NTM: variants seen among roughly 807,000 people sequenced by gnomAD.
The protein encoded by NTM is neurotrimin.
In NTM, 13 loss-of-function variants were observed where a neutral mutation model predicts 42.1. That is an observed-to-expected ratio of 0.31 (90% CI 0.20 to 0.49). NTM has a LOEUF of 0.49. Ranked by LOEUF, NTM falls within the 20% of genes least tolerant of loss-of-function variation. NTM has a pLI of 0.99. For missense variants in NTM, 373 were observed against 452.8 expected (o/e 0.82, Z 1.60); for synonymous variants, 187 against 179.2 (o/e 1.04, Z -0.35).
rs1277456433 is a variant in NTM at position 131,528,404 on chromosome 11, G to A, written c.82+157516G>A. Among the ~76,000 whole-genome samples, 4 of 152,266 alleles carry A rather than the reference G, an allele frequency of 2.6e-5. No homozygotes were observed. In the East Asian group the frequency reaches 7.7e-4, roughly 29 times the overall value. The stretch of plus-strand genomic sequence containing the variant: ...TTTAGTTCCCTTAATGCTCACATCT[G>A]TTCTATGAGAGAGGTGTTCTTCTTA... On this transcript the variant is annotated intron_variant, in intron 1 of 8. Transcript: ENST00000683400.
At chr11:132,145,528 A>C (rs1189313789) in intron 2 of NTM, among the ~76,000 whole-genome samples, 1 of 152,224 alleles carries the variant, frequency 6.6e-6, no homozygotes, top group Non-Finnish European at 1.5e-5. Context: ...TGTAGAAAAG[A>C]GAAGGGAGAT....
At chr11:131,805,548 G>A (rs2136266735) in intron 1 of NTM, among the ~76,000 whole-genome samples, 1 of 152,242 alleles carries the variant, frequency 6.6e-6, no homozygotes, top group South Asian at 2.1e-4. Flanking sequence ...AAAAAAGTTT[G>A]CCCTACTCTA....
intron 4 of NTM, among the ~76,000 whole-genome samples, chr11:132,213,521 G>A (rs2083260319): frequency 6.6e-6 from 1 of 151,986 alleles, no homozygotes; most frequent in Non-Finnish European, 1.5e-5. Flanking sequence ...CCTTCTGTGA[G>A]GCATAAGTCC....
intron 4 of NTM, among the ~76,000 whole-genome samples, chr11:132,213,290 G>A (rs1328287556): frequency 6.6e-6 from 1 of 152,196 alleles, no homozygotes; most frequent in African/African-American, 2.4e-5. Flanking sequence ...TTAGAAGCTG[G>A]CTTGTGCAGT....
At chr11:132,112,609 A>G (rs2063356002) in intron 2 of NTM, among the ~76,000 whole-genome samples, 1 of 152,058 alleles carries the variant, frequency 6.6e-6, no homozygotes, top group African/African-American at 2.4e-5. Context: ...GCCTTCCACT[A>G]GAGAAGGCAT....
Position 131,440,816 on chromosome 11 carries a change from T to TAAA in NTM, c.82+69974_82+69976dup, listed in dbSNP as rs55915027. 3.5e-4 allele frequency among the ~76,000 whole-genome samples: 15 copies of TAAA among 42,904 alleles called. 3 individuals are homozygous for TAAA. Among genetic ancestry groups the TAAA allele is most frequent in the Non-Finnish European group, 3.8e-4 (10 of 26,372 alleles). 28.1% of individuals were successfully genotyped at this position (42,904 alleles called of 152,430 possible). A position where few individuals can be genotyped will look rare whatever the true frequency, so the allele number is the denominator to read the frequency against. ...GTGCCACCCCTCACCACAGCCTCCA[T>TAAA]AAAAAAAAAAAAAAAAAAAAAAAAA... On this transcript the variant is annotated intron_variant, in intron 1 of 8. Coordinates refer to ENST00000683400, the MANE Select transcript of NTM (RefSeq NM_001352005.2).
chr11:131,408,464 G>A (rs2442101), intron 1 of NTM, among the ~76,000 whole-genome samples: 1 of 152,208 alleles, frequency 6.6e-6, no homozygotes, highest in East Asian at 1.9e-4. Flanking sequence ...ACATTTATGT[G>A]ATTGAAAATA....
At chr11:132,227,051 C>A (rs1250210484) in intron 4 of NTM, among the ~76,000 whole-genome samples, 1 of 152,130 alleles carries the variant, frequency 6.6e-6, no homozygotes, top group Non-Finnish European at 1.5e-5. Flanking sequence ...GGAATCCTAA[C>A]CATACAGGTG....
intron 1 of NTM, among the ~76,000 whole-genome samples, chr11:131,526,360 C>T (rs1309578936): frequency 1.3e-5 from 2 of 152,202 alleles, no homozygotes; most frequent in African/African-American, 4.8e-5. Context: ...CACAGTAGGA[C>T]AGGTCAGGTG....
intron 1 of NTM, among the ~76,000 whole-genome samples, chr11:131,890,160 C>CTCTCTGTG (rs55962894): frequency 6.7e-6 from 1 of 148,230 alleles, no homozygotes; most frequent in Non-Finnish European, 1.5e-5. Flanking sequence ...CTCTCTGTCT[C>CTCTCTGTG]TCTCTCTCTC....
chr11:131,656,854 G>A (rs562213847), intron 1 of NTM, among the ~76,000 whole-genome samples: 2 of 152,278 alleles, frequency 1.3e-5, no homozygotes, highest in East Asian at 1.9e-4. Context: ...TTCCCAAGAA[G>A]ATGACCTACT....
intron 1 of NTM, among the ~76,000 whole-genome samples, chr11:131,900,898 A>C (rs1376085772): frequency 2.6e-5 from 4 of 152,204 alleles, no homozygotes; most frequent in African/African-American, 9.7e-5. Context: ...GTTTTCCATA[A>C]AAATGTTTGG....
intron 1 of NTM, among the ~76,000 whole-genome samples, chr11:131,780,029 T>G (rs974028804): frequency 4.6e-5 from 7 of 152,156 alleles, no homozygotes; most frequent in Non-Finnish European, 1.0e-4. Context: ...CCCTGGGGCG[T>G]TCACAGGAAC....
At chr11:132,011,913 G>T (rs980587377) in intron 2 of NTM, among the ~76,000 whole-genome samples, 4 of 152,132 alleles carry the variant, frequency 2.6e-5, no homozygotes, top group Non-Finnish European at 5.9e-5. Flanking sequence ...TTCTCTCTCA[G>T]TTTGGAAGTA....
intron 2 of NTM, among the ~76,000 whole-genome samples, chr11:132,138,043 C>T (rs1487742566): frequency 6.6e-6 from 1 of 152,190 alleles, no homozygotes; most frequent in Non-Finnish European, 1.5e-5. Context: ...GCTCATGCTC[C>T]TCCTACTGCT....
intron 1 of NTM, among the ~76,000 whole-genome samples, chr11:131,658,893 C>T (rs1294208046): frequency 1.3e-5 from 2 of 152,094 alleles, no homozygotes; most frequent in South Asian, 2.1e-4. Flanking sequence ...ATCGCTTGAA[C>T]CAGGGCATCA....
intron 2 of NTM, among the ~76,000 whole-genome samples, chr11:131,920,912 C>T (rs989836533): frequency 4.6e-5 from 7 of 152,110 alleles, no homozygotes; most frequent in African/African-American, 7.2e-5. Context: ...TGCTTTCAAA[C>T]GGCCTCTAAT....
At chr11:132,325,351 G>A (rs1258335890) in intron 7 of NTM, among the ~76,000 whole-genome samples, 1 of 152,104 alleles carries the variant, frequency 6.6e-6, no homozygotes, top group African/African-American at 2.4e-5. Context: ...CAAAAAGTGG[G>A]CAAAGGACAT....
At chr11:131,827,850 C>T (rs2042315202) in intron 1 of NTM, among the ~76,000 whole-genome samples, 1 of 152,152 alleles carries the variant, frequency 6.6e-6, no homozygotes, top group Non-Finnish European at 1.5e-5. Context: ...TTTCTAAGTC[C>T]ATTCTCGAAG....
Sources: allele counts gnomAD v4.1 joint callset (sites outside exome capture counted in the v4.1 genomes callset), GRCh38; gene constraint gnomAD v4.1.1; transcripts MANE v1.5; gene names NCBI Gene and HGNC (gene_info 2026-07-23, HGNC 2026-07-21).